The following PLXDC2 variants were observed in gnomAD, a reference collection of about 807,000 sequenced individuals.
The protein encoded by PLXDC2 is plexin domain-containing protein 2.
In PLXDC2, 40 loss-of-function variants were observed where a neutral mutation model predicts 68.9. That is an observed-to-expected ratio of 0.58 (90% CI 0.45 to 0.76). PLXDC2 has a LOEUF of 0.76. Ranked by LOEUF, PLXDC2 falls within the 30% of genes least tolerant of loss-of-function variation. The pLI, the probability that PLXDC2 is intolerant of heterozygous loss-of-function variation, is 0.00. For synonymous variants in PLXDC2, 243 were observed against 234.2 expected, an observed-to-expected ratio of 1.04 and a Z score of -0.34; for missense variants, 644 against 661.9, an observed-to-expected ratio of 0.97 and a Z score of 0.30.
chr10:19,829,262 A>G (rs1836638437), intron 1 of PLXDC2, among the ~76,000 whole-genome samples: 1 of 142,604 alleles, frequency 7.0e-6, no homozygotes, highest in Non-Finnish European at 1.5e-5. Flanking sequence ...TTGTGCCTGC[A>G]TTTGACTATA....
chr10:20,200,251 C>T (rs1834898862), intron 9 of PLXDC2, among the ~76,000 whole-genome samples: 1 of 151,594 alleles, frequency 6.6e-6, no homozygotes, highest in Non-Finnish European at 1.5e-5. Context: ...AAGAACAGCC[C>T]AATCAAAAGA....
At chr10:20,182,520 T>A (rs1278934483) in intron 9 of PLXDC2, among the ~76,000 whole-genome samples, 1 of 152,006 alleles carries the variant, frequency 6.6e-6, no homozygotes, top group Non-Finnish European at 1.5e-5. Flanking sequence ...GGGTTGTTTT[T>A]AGAGGCTTTT....
At chr10:20,219,039 T>G (rs1048890416) in intron 11 of PLXDC2, 25 bp from the exon 12 acceptor site, 1 of 1,606,340 alleles carries the variant, frequency 6.2e-7, no homozygotes, top group African/African-American at 1.3e-5. Context: ...TTTTCTGTTA[T>G]AGTAACTTTG....
chr10:19,897,155 C>T (rs1441134347), intron 1 of PLXDC2, among the ~76,000 whole-genome samples: 1 of 151,956 alleles, frequency 6.6e-6, no homozygotes, highest in Admixed American at 6.6e-5. Flanking sequence ...TTTAAAGAGC[C>T]TCTGTATTTC....
chr10:19,975,862 G>A (rs1332037627), intron 1 of PLXDC2, among the ~76,000 whole-genome samples: 2 of 151,992 alleles, frequency 1.3e-5, no homozygotes, highest in Non-Finnish European at 2.9e-5. Context: ...AAATTAGCTG[G>A]GCATGGTGGC....
chr10:20,007,196 TGGAAGCTGGCACCTTCCCATTATC>T (rs1201224317), intron 2 of PLXDC2, among the ~76,000 whole-genome samples: 10 of 152,182 alleles, frequency 6.6e-5, no homozygotes, highest in African/African-American at 1.2e-4. Context: ...CATCTTCCCC[TGGAAGCTGGCACCTTCCCATTATC>T]TGGCATGAAG....
At chr10:19,834,249 C>T (rs1011745029) in intron 1 of PLXDC2, among the ~76,000 whole-genome samples, 1 of 151,934 alleles carries the variant, frequency 6.6e-6, no homozygotes, top group East Asian at 1.9e-4. Flanking sequence ...GTCCAGGTTT[C>T]AATGGACTGG....
At chr10:19,877,410 A>C (rs955859743) in intron 1 of PLXDC2, among the ~76,000 whole-genome samples, 1 of 152,160 alleles carries the variant, frequency 6.6e-6, no homozygotes, top group African/African-American at 2.4e-5. Flanking sequence ...AGGGTAATAC[A>C]ATTCTTAGTT....
At chr10:20,039,202 A>C (rs909595850) in intron 2 of PLXDC2, among the ~76,000 whole-genome samples, 1 of 152,156 alleles carries the variant, frequency 6.6e-6, no homozygotes, top group Non-Finnish European at 1.5e-5. Flanking sequence ...CTGTGTGTCC[A>C]GTTTACTGTC....
intron 4 of PLXDC2, among the ~76,000 whole-genome samples, chr10:20,079,129 A>G (rs1017145910): frequency 1.3e-5 from 2 of 152,190 alleles, no homozygotes; most frequent in African/African-American, 4.8e-5. Context: ...AACCTGGGAA[A>G]TATTACAAGG....
intron 12 of PLXDC2, among the ~76,000 whole-genome samples, chr10:20,232,815 G>T (rs1835382858): frequency 6.6e-6 from 1 of 152,028 alleles, no homozygotes; most frequent in African/African-American, 2.4e-5. Flanking sequence ...TGGTTACTTG[G>T]TATATACAGT....
At chr10:20,003,934 G>A (rs55638166) in intron 2 of PLXDC2, among the ~76,000 whole-genome samples, 108 of 152,222 alleles carry the variant, frequency 7.1e-4, no homozygotes, top group Non-Finnish European at 1.3e-3. Flanking sequence ...CTGTCGTCAC[G>A]TACGGTCTGC....
chr10:19,847,003 C>T (rs558929827), intron 1 of PLXDC2, among the ~76,000 whole-genome samples: 1 of 152,184 alleles, frequency 6.6e-6, no homozygotes, highest in African/African-American at 2.4e-5. Flanking sequence ...TCTTTTGAGA[C>T]TTATTCACTG....
intron 10 of PLXDC2, 78 bp from the exon 11 acceptor site, chr10:20,217,348 G>T (rs142305280): frequency 7.5e-7 from 1 of 1,340,772 alleles, no homozygotes; most frequent in Non-Finnish European, 1.0e-6. Context: ...GTGCTTTACA[G>T]CCCAGCTTCT....
chr10:19,908,734 C>G (rs1276708180), intron 1 of PLXDC2, among the ~76,000 whole-genome samples: 1 of 151,880 alleles, frequency 6.6e-6, no homozygotes, highest in South Asian at 2.1e-4. Flanking sequence ...ATTTATTCCA[C>G]ACAGCAGTTC....
At chr10:20,090,628 G>GA (rs1359861378) in intron 4 of PLXDC2, among the ~76,000 whole-genome samples, 1 of 152,086 alleles carries the variant, frequency 6.6e-6, no homozygotes, top group Non-Finnish European at 1.5e-5. Context: ...TAGCAAGGTA[G>GA]AAAAAAATTA....
intron 1 of PLXDC2, among the ~76,000 whole-genome samples, chr10:19,904,287 G>A (rs558501162): frequency 7.9e-5 from 12 of 151,964 alleles, no homozygotes; most frequent in East Asian, 5.8e-4. Context: ...GGAGCATTAC[G>A]TCCCCCACTA....
intron 13 of PLXDC2, among the ~76,000 whole-genome samples, chr10:20,278,089 C>T (rs1419070233): frequency 6.6e-6 from 1 of 152,306 alleles, no homozygotes; most frequent in African/African-American, 2.4e-5. Context: ...ATCCATTCAT[C>T]TGTTGATGGA....
intron 4 of PLXDC2, among the ~76,000 whole-genome samples, chr10:20,075,290 G>A (rs142645130): frequency 1.3e-5 from 2 of 152,150 alleles, no homozygotes; most frequent in African/African-American, 4.8e-5. Context: ...CTAGGCTCAA[G>A]TGATCCTCCC....
Sources: allele counts gnomAD v4.1 joint callset (sites outside exome capture counted in the v4.1 genomes callset), GRCh38; gene constraint gnomAD v4.1.1; transcripts MANE v1.5; gene names NCBI Gene and HGNC (gene_info 2026-07-23, HGNC 2026-07-21).